Variants in TENM4 observed in about 807,000 individuals in gnomAD.
TENM4 encodes the protein teneurin-4.
Under a neutral mutation model 243.3 loss-of-function variants are expected in TENM4, and 82 were observed. The observed-to-expected ratio is 0.34, with a 90% CI of 0.28 to 0.40. TENM4 has a LOEUF of 0.40. TENM4 is among the 10% of genes least tolerant of loss of function. The pLI is 1.00. For missense variants in TENM4, 3,138 were observed against 3,673.3 expected (o/e 0.85, Z 3.77); for synonymous variants, 1,412 against 1,456.3 (o/e 0.97, Z 0.69).
At chr11:79,038,499 C>A (rs1859441373) in intron 6 of TENM4, among the ~76,000 whole-genome samples, 1 of 152,228 alleles carries the variant, frequency 6.6e-6, no homozygotes, top group African/African-American at 2.4e-5. Flanking sequence ...CCACATCTTG[C>A]CTGCCCCTCT....
intron 3 of TENM4, among the ~76,000 whole-genome samples, chr11:79,196,810 T>A (rs1229766159): frequency 6.6e-6 from 1 of 152,182 alleles, no homozygotes; most frequent in Non-Finnish European, 1.5e-5. Flanking sequence ...TGGAGACTTG[T>A]CTCTCAGCTG....
chr11:79,340,118 C>A (rs1458747309), intron 1 of TENM4, among the ~76,000 whole-genome samples: 1 of 152,240 alleles, frequency 6.6e-6, no homozygotes, highest in Non-Finnish European at 1.5e-5. Flanking sequence ...CGAATGGAAT[C>A]AATTTCCCTG....
At chr11:79,374,965 C>T (rs1316959613) in intron 1 of TENM4, among the ~76,000 whole-genome samples, 4 of 152,190 alleles carry the variant, frequency 2.6e-5, no homozygotes, top group African/African-American at 7.2e-5. Context: ...TCTAATGCCA[C>T]TTTGCCCTTT....
At chr11:79,340,200 C>G (rs1857218821) in intron 1 of TENM4, among the ~76,000 whole-genome samples, 1 of 152,110 alleles carries the variant, frequency 6.6e-6, no homozygotes, top group East Asian at 1.9e-4. Context: ...GCTGGTCTAC[C>G]TCTCCTGAAG....
At chr11:79,356,911 CT>C (rs952963202) in intron 1 of TENM4, among the ~76,000 whole-genome samples, 13 of 152,116 alleles carry the variant, frequency 8.5e-5, no homozygotes, top group African/African-American at 3.1e-4. Flanking sequence ...GAGAGATTTC[CT>C]TTTTTTGATG....
intron 6 of TENM4, among the ~76,000 whole-genome samples, chr11:78,918,461 A>T (rs1452218601): frequency 8.5e-5 from 13 of 152,202 alleles, no homozygotes; most frequent in Admixed American, 7.8e-4. Flanking sequence ...AAAAAAAAAA[A>T]AAAGGGACAG....
chr11:78,746,565 A>G (rs1211312896), intron 19 of TENM4, among the ~76,000 whole-genome samples: 1 of 152,230 alleles, frequency 6.6e-6, no homozygotes, highest in African/African-American at 2.4e-5. Flanking sequence ...AGTGTACACA[A>G]GACCAGAGCC....
At chr11:79,244,192 G>A (rs923352104) in intron 2 of TENM4, among the ~76,000 whole-genome samples, 1 of 152,196 alleles carries the variant, frequency 6.6e-6, no homozygotes, top group African/African-American at 2.4e-5. Flanking sequence ...AAAAGTCCCA[G>A]GTGAGGCTAA....
chr11:78,772,718 G>C lies in TENM4; in HGVS notation c.2393-1580C>G, dbSNP rs145292821. Among the ~76,000 whole-genome samples, 92 of 151,056 alleles carry C rather than the reference G, an allele frequency of 6.1e-4. 1 individual carries two copies. Among genetic ancestry groups the C allele is most frequent in the African/African-American group, 1.9e-3 (77 of 40,388 alleles). On this transcript the variant is annotated intron_variant, in intron 17 of 33. Coordinates refer to ENST00000278550, the MANE Select transcript of TENM4 (RefSeq NM_001098816.3). ...AGTTGACTGTTATTCCAAAGTAAAA[G>C]AAAATAACATGTTTATTTCCACTTG...
intron 15 of TENM4, among the ~76,000 whole-genome samples, chr11:78,787,682 C>T (rs1164607823): frequency 1.3e-5 from 2 of 152,142 alleles, no homozygotes; most frequent in African/African-American, 4.8e-5. Context: ...GCAGTTTGTT[C>T]TGAGCTTTTG....
At chr11:79,050,404 G>A (rs1053947917) in intron 6 of TENM4, among the ~76,000 whole-genome samples, 2 of 152,154 alleles carry the variant, frequency 1.3e-5, no homozygotes, top group African/African-American at 4.8e-5. Flanking sequence ...ACCAGGTGAG[G>A]CCGCATGTAG....
chr11:78,887,232 C>T (rs1372060141), intron 9 of TENM4, among the ~76,000 whole-genome samples: 1 of 152,246 alleles, frequency 6.6e-6, no homozygotes, highest in African/African-American at 2.4e-5. Context: ...ACATCATCCT[C>T]TTTCAAGTCT....
intron 7 of TENM4, among the ~76,000 whole-genome samples, chr11:78,894,270 C>T (rs538774617): frequency 7.4e-4 from 113 of 152,232 alleles, no homozygotes; most frequent in African/African-American, 2.7e-3. Context: ...GCATGGCATG[C>T]TCCCTAGAAG....
chr11:78,908,643 C>T (rs577154), intron 6 of TENM4, among the ~76,000 whole-genome samples: 146,254 of 152,304 alleles, frequency 0.96, 70,398 homozygotes, highest in Non-Finnish European at 1. Context: ...GCTGAACTTG[C>T]AGTTCAGAAA....
At chr11:78,715,622 G>A (rs1400068211) in intron 25 of TENM4, among the ~76,000 whole-genome samples, 2 of 152,158 alleles carry the variant, frequency 1.3e-5, no homozygotes, top group African/African-American at 4.8e-5. Flanking sequence ...GTTAAGCATA[G>A]GGAAAACAAC....
In TENM4 at chr11:79,240,466, T is replaced by A. The variant is rs79634282; in HGVS notation, c.-264-24557A>T. Among the ~76,000 whole-genome samples, 988 of 152,320 alleles carry A rather than the reference T, an allele frequency of 6.5e-3. 10 individuals carry two copies. Among genetic ancestry groups the A allele is most frequent in the African/African-American group, 0.023 (943 of 41,572 alleles). ...CCTCCTCCAGAAAGCCCACCTGGACTATGCTGTCTTATTGTGACTACTTCC... is the reference window on the plus strand; with the variant it reads ...CCTCCTCCAGAAAGCCCACCTGGACAATGCTGTCTTATTGTGACTACTTCC... On this transcript the variant is annotated intron_variant, in intron 2 of 33. Coordinates refer to ENST00000278550, the MANE Select transcript of TENM4 (RefSeq NM_001098816.3).
At chr11:78,704,080 TATAC>T (rs1436168908) in intron 27 of TENM4, among the ~76,000 whole-genome samples, 10 of 147,088 alleles carry the variant, frequency 6.8e-5, no homozygotes, top group African/African-American at 1.3e-4. Context: ...TATATAAATA[TATAC>T]ATACATATAC....
At chr11:79,237,741 G>A (rs768194252) in intron 2 of TENM4, among the ~76,000 whole-genome samples, 3 of 152,170 alleles carry the variant, frequency 2.0e-5, no homozygotes, top group Non-Finnish European at 4.4e-5. Flanking sequence ...AGAGGATTTC[G>A]TATCACAAAA....
intron 2 of TENM4, among the ~76,000 whole-genome samples, chr11:79,268,597 A>G (rs985910809): frequency 6.6e-5 from 10 of 152,172 alleles, no homozygotes; most frequent in African/African-American, 1.9e-4. Flanking sequence ...TGTAACCCCA[A>G]ACCCAACACT....
Sources: gnomAD v4.1 joint callset for allele counts (sites outside exome capture counted in the v4.1 genomes callset) on GRCh38, gnomAD v4.1.1 for gene constraint, MANE v1.5 for transcripts, NCBI Gene and HGNC (gene_info 2026-07-23, HGNC 2026-07-21) for gene names.